Variants in SF3B1 observed in about 807,000 individuals in gnomAD.
SF3B1 encodes splicing factor 3b subunit 1.
Under a neutral mutation model 153.8 loss-of-function variants are expected in SF3B1, and 12 were observed. That is an observed-to-expected ratio of 0.08 (90% CI 0.05 to 0.13). SF3B1 has a LOEUF of 0.13. SF3B1 is among the 10% of genes least tolerant of loss of function. SF3B1 has a pLI of 1.00. For missense variants in SF3B1, 513 were observed against 1,606.1 expected (o/e 0.32, Z 11.63); for synonymous variants, 498 against 525.2 (o/e 0.95, Z 0.71).
At position 197,409,824 on chromosome 2, in the gene SF3B1, C is replaced by T. The variant is rs778869024; in HGVS notation, c.850G>A (p.Ala284Thr). The stretch of plus-strand genomic sequence containing the variant: ...CTGTTTTTACGAGCACTGGAAGTTG[C>T]GCCTCCATGGCCTGGTGTCGCATGG... ...PGHATPGHGG[A>T]TSSARKNRWD... Residue 284 changes from alanine to threonine, a missense_variant, in exon 7 of 25, where the codon GCA becomes ACA. By Grantham distance (58) the Ala-to-Thr change is moderately conservative (BLOSUM62 0). Transcript: ENST00000335508. The T allele has an allele frequency of 4.5e-5, 73 of 1,613,908 alleles. No individual in the cohort carries two copies. Among genetic ancestry groups the T allele is most frequent in the African/African-American group, 6.7e-5 (5 of 74,886 alleles).
At chr2:197,434,826 G>A (rs2085497304) in intron 1 of SF3B1, 146 bp downstream of exon 1, 9 of 805,598 alleles carry the variant, frequency 1.1e-5, no homozygotes, top group South Asian at 3.1e-5. Context: ...GGCCTGCGCC[G>A]CTGGCGCGGA....
At position 197,391,957 on chromosome 2, in the gene SF3B1, C is replaced by A. The variant is rs1227463118; in HGVS notation, c.*346G>T. The A allele has an allele frequency of 1.5e-5, 3 of 202,204 alleles. No homozygotes were observed. Among genetic ancestry groups the A allele is most frequent in the Non-Finnish European group, 3.0e-5 (3 of 98,502 alleles). The allele number at this position is 202,204 out of a possible 1,614,324, so 12.5% of individuals were successfully genotyped here. On this transcript the variant is annotated 3_prime_UTR_variant, in exon 25 of 25. Coordinates refer to ENST00000335508, the MANE Select transcript of SF3B1 (RefSeq NM_012433.4). ...AGTTCCGCATTTTACAAGTCATGTTCAAAAAACACACACAAATTAGCATTT... is the reference window on the plus strand; with the variant it reads ...AGTTCCGCATTTTACAAGTCATGTTAAAAAAACACACACAAATTAGCATTT...
Position 197,418,493 on chromosome 2 carries a change from A to T in SF3B1, c.495+16T>A. The T allele has an allele frequency of 6.4e-7, 1 of 1,569,292 alleles. No homozygotes were observed. Among genetic ancestry groups the T allele is most frequent in the Non-Finnish European group, 8.7e-7 (1 of 1,143,194 alleles). On this transcript the variant is annotated intron_variant, in intron 5 of 24. Transcript: ENST00000335508. The stretch of plus-strand genomic sequence containing the variant: ...ATTCTTTCACAACCATTAAAACAGG[A>T]GACAGGTTTACATACTTCTTCTTTA...
intron 3 of SF3B1, 34 bp downstream of exon 3, chr2:197,420,995 C>G (rs764260191): frequency 1.5e-6 from 2 of 1,350,188 alleles, no homozygotes; most frequent in East Asian, 2.4e-5. Flanking sequence ...TTTTCTTTAG[C>G]TGAATAAACT....
chr2:197,405,618 A>C, intron 9 of SF3B1, 146 bp from the exon 10 acceptor site: 2 of 630,268 alleles, frequency 3.2e-6, no homozygotes, highest in Non-Finnish European at 5.6e-6. Flanking sequence ...TTTCTATCTT[A>C]ATTAGAAACT....
intron 7 of SF3B1, among the ~76,000 whole-genome samples, chr2:197,409,023 A>C (rs1574535330): frequency 1.3e-5 from 2 of 152,322 alleles, no homozygotes; most frequent in East Asian, 3.9e-4. Context: ...TGTAATTCCA[A>C]CACTTTGGCA....
intron 6 of SF3B1, among the ~76,000 whole-genome samples, chr2:197,410,762 C>G (rs2085056366): frequency 6.6e-6 from 1 of 152,104 alleles, no homozygotes; most frequent in African/African-American, 2.4e-5. Context: ...CCTTGGCCTC[C>G]CAAAGTGCTG....
At chr2:197,398,639 CCTTT>C in intron 20 of SF3B1, 58 bp from the exon 21 acceptor site, 1 of 1,522,330 alleles carries the variant, frequency 6.6e-7, no homozygotes, top group Non-Finnish European at 9.0e-7. Flanking sequence ...TGTTCACTTT[CCTTT>C]TACTTAGCAA....
chr2:197,392,289 A>C lies in SF3B1; in HGVS notation c.*14T>G. The C allele has an allele frequency of 9.5e-7, 1 of 1,050,074 alleles. No individual in the cohort carries two copies. The highest frequency in any genetic ancestry group is 1.5e-6 in the Non-Finnish European group (1 of 680,470). The allele number at this position is 1,050,074 out of a possible 1,614,324, so 65.0% of individuals were successfully genotyped here. ...TGAAGTAGCTGTGCATTAAACACAA[A>C]ATAAACAATAAAATTATAAGATATA... On this transcript the variant is annotated 3_prime_UTR_variant, in exon 25 of 25. Transcript: ENST00000335508.
At position 197,400,971 on chromosome 2, in the gene SF3B1, C is replaced by T. The variant is rs1385787073; in HGVS notation, c.2497-35G>A. The T allele has an allele frequency of 7.3e-7, 1 of 1,366,558 alleles. No homozygotes were observed. Among genetic ancestry groups the T allele is most frequent in the East Asian group, 2.3e-5 (1 of 43,654 alleles). The allele number at this position is 1,366,558 out of a possible 1,614,324, so 84.7% of individuals were successfully genotyped here. A position where few individuals can be genotyped will look rare whatever the true frequency, so the allele number is the denominator to read the frequency against. On this transcript the variant is annotated intron_variant, in intron 17 of 24. Coordinates refer to ENST00000335508, the MANE Select transcript of SF3B1 (RefSeq NM_012433.4). The surrounding 1 kb of genome is among the most constrained non-coding windows in gnomAD (Gnocchi z 5.0). Reference sequence around the variant, plus strand: ...ACAGAAAAACAAAAAACCTTTTAGACTGCTTTTCCAAGGAAATAAAGCAAC... The same window carrying T: ...ACAGAAAAACAAAAAACCTTTTAGATTGCTTTTCCAAGGAAATAAAGCAAC...
At chr2:197,426,950 C>G (rs1019031494) in intron 1 of SF3B1, among the ~76,000 whole-genome samples, 1 of 152,196 alleles carries the variant, frequency 6.6e-6, no homozygotes, top group Non-Finnish European at 1.5e-5. Context: ...TATCAGGCAT[C>G]TCTCTTATTT....
rs560198804 is a variant in SF3B1 at position 197,398,640 on chromosome 2, C to T, written c.3014-59G>A. ...TGAATTGCAACTTTTGTTCACTTTCCTTTTACTTAGCAATGTCATATATGA... is the reference window on the plus strand; with the variant it reads ...TGAATTGCAACTTTTGTTCACTTTCTTTTTACTTAGCAATGTCATATATGA... On this transcript the variant is annotated intron_variant, in intron 20 of 24. Transcript: ENST00000335508. 4 of 1,519,022 alleles carry T rather than the reference C, an allele frequency of 2.6e-6. No individual in the cohort carries two copies. In the African/African-American group the frequency reaches 4.1e-5, roughly 16 times the overall value. 94.1% of individuals were successfully genotyped at this position (1,519,022 alleles called of 1,614,324 possible).
intron 5 of SF3B1, among the ~76,000 whole-genome samples, chr2:197,417,919 A>G (rs1341536016): frequency 6.6e-6 from 1 of 151,740 alleles, no homozygotes; most frequent in Non-Finnish European, 1.5e-5. Flanking sequence ...GATACACACC[A>G]TCAACCTTCT....
Position 197,403,875 on chromosome 2 carries a change from TAC to T in SF3B1, c.1540-113_1540-112del, listed in dbSNP as rs537735356. On this transcript the variant is annotated intron_variant, in intron 11 of 24. Transcript: ENST00000335508. ...ACTTTAATATTTTAGTGTTTACTTT[TAC>T]ACACATTTTACATAGACAGCATGAG... The T allele has an allele frequency of 1.2e-4, 91 of 762,954 alleles. No homozygotes were observed. The African/African-American group carries it at 1.6e-3, about 14-fold the overall frequency. 47.3% of individuals were successfully genotyped at this position (762,954 alleles called of 1,614,324 possible). A position where few individuals can be genotyped will look rare whatever the true frequency, so the allele number is the denominator to read the frequency against.
At chr2:197,415,536 G>GGGATTACA (rs2085135636) in intron 6 of SF3B1, among the ~76,000 whole-genome samples, 3 of 152,084 alleles carry the variant, frequency 2.0e-5, no homozygotes, top group African/African-American at 7.2e-5. Context: ...TTACAAGCGT[G>GGGATTACA]AGCCACCGCA....
chr2:197,398,267 C>A, intron 21 of SF3B1, 151 bp from the exon 22 acceptor site: 1 of 847,640 alleles, frequency 1.2e-6, no homozygotes, highest in Non-Finnish European at 1.9e-6. Flanking sequence ...GTTAGTCTTA[C>A]AGGTTTAGTC....
At chr2:197,422,406 TG>T (rs2085258789) in intron 2 of SF3B1, among the ~76,000 whole-genome samples, 1 of 134,786 alleles carries the variant, frequency 7.4e-6, no homozygotes, top group Non-Finnish European at 1.6e-5. Context: ...GGGCTTGTCA[TG>T]GGGTGGGGGT....
intron 6 of SF3B1, among the ~76,000 whole-genome samples, chr2:197,414,227 T>C (rs1179813690): frequency 2.0e-5 from 3 of 152,210 alleles, no homozygotes; most frequent in Non-Finnish European, 2.9e-5. Flanking sequence ...GAAATGCCCA[T>C]TGAACAGCCA....
rs149354675 is a variant in SF3B1, at chr2:197,393,405, T to C, written c.3540-217A>G. 14 of 550,884 alleles carry C rather than the reference T, an allele frequency of 2.5e-5. No individual in the cohort carries two copies. The African/African-American group carries it at 2.7e-4, about 11-fold the overall frequency. The allele number at this position is 550,884 out of a possible 1,614,324, so 34.1% of individuals were successfully genotyped here. A position where few individuals can be genotyped will look rare whatever the true frequency, so the allele number is the denominator to read the frequency against. The stretch of plus-strand genomic sequence containing the variant: ...TTCCACTTGAGGACTTTTGCTTTAA[T>C]TACTCAAGATTCACTATGGCTCAAC... On this transcript the variant is annotated intron_variant, in intron 23 of 24. Coordinates refer to ENST00000335508, the MANE Select transcript of SF3B1 (RefSeq NM_012433.4).
Sources: allele counts gnomAD v4.1 joint callset (sites outside exome capture counted in the v4.1 genomes callset), GRCh38; gene constraint gnomAD v4.1.1; non-coding constraint Gnocchi (gnomAD v3.1); transcripts MANE v1.5; gene names NCBI Gene and HGNC (gene_info 2026-07-23, HGNC 2026-07-21).